The following PEBP4 variants were observed in gnomAD, a reference collection of about 807,000 sequenced individuals.
PEBP4 encodes phosphatidylethanolamine binding protein 4.
In PEBP4, 22 loss-of-function variants were observed where a neutral mutation model predicts 23.9. The ratio of observed to expected loss-of-function variants is 0.92; its 90% CI spans 0.66 to 1.31. The LOEUF (loss-of-function observed/expected upper bound fraction) is 1.31, where lower values mean the gene tolerates loss of function less well. Among genes scored for constraint, PEBP4 ranks in the 40% most tolerant of loss-of-function variants. PEBP4 has a pLI of 0.00. For synonymous variants in PEBP4, 112 were observed against 99.3 expected (o/e 1.13, Z -0.76); for missense variants, 324 against 281.7 (o/e 1.15, Z -1.07).
intron 1 of PEBP4, among the ~76,000 whole-genome samples, chr8:22,937,886 A>G (rs1241172043): frequency 6.6e-6 from 1 of 152,180 alleles, no homozygotes; most frequent in Non-Finnish European, 1.5e-5. Flanking sequence ...AGCCACATGC[A>G]AAAGAATGAA....
intron 3 of PEBP4, among the ~76,000 whole-genome samples, chr8:22,913,386 ACTT>A (rs1008753861): frequency 6.6e-6 from 1 of 150,976 alleles, no homozygotes; most frequent in Admixed American, 6.6e-5. Flanking sequence ...GTGCACCTTT[ACTT>A]CTTCTGCAAT....
rs190294068 is a variant in PEBP4 at position 22,927,656 on chromosome 8, A to G, written c.59T>C (p.Val20Ala). 63 of 1,613,888 alleles carry G rather than the reference A, an allele frequency of 3.9e-5. No homozygotes were observed. The African/African-American group carries it at 7.5e-4, about 19-fold the overall frequency. The change falls in exon 2 of 7, where the codon GTC becomes GCC. Residue 20 changes from valine (V) to alanine (A), a missense_variant. Transcript: ENST00000256404. ...AALLLGLMMVVTGDEDENSPC... is the reference protein window; with the variant it reads ...AALLLGLMMVATGDEDENSPC... ...GCTGTTCTCATCCTCGTCTCCAGTG[A>G]CCACCATCATGAGACCCAGTAACAG...
chr8:22,804,271 C>A (rs1806448579), intron 4 of PEBP4, among the ~76,000 whole-genome samples: 1 of 152,094 alleles, frequency 6.6e-6, no homozygotes, highest in South Asian at 2.1e-4. Context: ...TTGGAGGCTG[C>A]AGTGAGCTAT....
chr8:22,877,470 G>GCAGAGCCAGC (rs1432659021), intron 3 of PEBP4, among the ~76,000 whole-genome samples: 2 of 152,160 alleles, frequency 1.3e-5, no homozygotes, highest in Non-Finnish European at 2.9e-5. Flanking sequence ...ACATTCTTGG[G>GCAGAGCCAGC]CAGAGCCAGC....
intron 3 of PEBP4, among the ~76,000 whole-genome samples, chr8:22,842,067 T>G (rs2128765773): frequency 6.6e-6 from 1 of 152,356 alleles, no homozygotes; most frequent in Admixed American, 6.5e-5. Context: ...ACAGTCTTGG[T>G]TATCAAACCC....
At chr8:22,744,024 T>A (rs1185069839) in intron 4 of PEBP4, among the ~76,000 whole-genome samples, 1 of 152,218 alleles carries the variant, frequency 6.6e-6, no homozygotes, top group Non-Finnish European at 1.5e-5. Context: ...TGTGACCTGC[T>A]GTGCAGGGAG....
chr8:22,789,191 C>A (rs567138045), intron 4 of PEBP4, among the ~76,000 whole-genome samples: 1 of 152,148 alleles, frequency 6.6e-6, no homozygotes, highest in South Asian at 2.1e-4. Flanking sequence ...AACAGAAAGA[C>A]AGTTATACAC....
At chr8:22,779,089 G>A (rs1410985237) in intron 4 of PEBP4, among the ~76,000 whole-genome samples, 4 of 151,394 alleles carry the variant, frequency 2.6e-5, no homozygotes, top group Admixed American at 2.6e-4. Flanking sequence ...GGGGGAGGAG[G>A]GGGATGGGGT....
At chr8:22,788,923 T>C (rs1806082015) in intron 4 of PEBP4, among the ~76,000 whole-genome samples, 1 of 152,170 alleles carries the variant, frequency 6.6e-6, no homozygotes, top group African/African-American at 2.4e-5. Flanking sequence ...ATTGGCTGAG[T>C]AAATTATAGT....
chr8:22,817,584 A>G (rs1019102178), intron 4 of PEBP4, 53 bp downstream of exon 4: 2 of 1,522,536 alleles, frequency 1.3e-6, no homozygotes, highest in South Asian at 1.1e-5. Context: ...CTGAATGATA[A>G]TCTTCCAGAT....
rs183517037 is a variant in PEBP4 at position 22,782,469 on chromosome 8, C to T, written c.357+35168G>A. Among the ~76,000 whole-genome samples, 45 of 152,264 alleles carry T rather than the reference C, an allele frequency of 3.0e-4. No individual in the cohort carries two copies. In the Middle Eastern group the frequency reaches 0.01, roughly 35 times the overall value. The stretch of plus-strand genomic sequence containing the variant: ...GGGGGCATGAAAATACCCGACCCAT[C>T]CATTAGAGAGTTTCAGGGAACTGAC... On this transcript the variant is annotated intron_variant, in intron 4 of 6. Transcript: ENST00000256404.
chr8:22,808,982 C>G (rs542236374), intron 4 of PEBP4, among the ~76,000 whole-genome samples: 25 of 152,172 alleles, frequency 1.6e-4, no homozygotes, highest in Admixed American at 1.6e-3. Flanking sequence ...GTCTTTAAAG[C>G]GATAACCACA....
intron 3 of PEBP4, among the ~76,000 whole-genome samples, chr8:22,904,296 G>A (rs1036401291): frequency 9.2e-5 from 14 of 152,184 alleles, no homozygotes; most frequent in Admixed American, 2.6e-4. Flanking sequence ...GAGCTTCTTC[G>A]TGGACCTTGG....
intron 3 of PEBP4, among the ~76,000 whole-genome samples, chr8:22,825,060 T>C (rs556586091): frequency 2.6e-5 from 4 of 152,354 alleles, no homozygotes; most frequent in African/African-American, 7.2e-5. Flanking sequence ...CAAAGACTTC[T>C]GTGGTGGTCT....
chr8:22,809,993 T>C (rs1006855639), intron 4 of PEBP4, among the ~76,000 whole-genome samples: 2 of 152,244 alleles, frequency 1.3e-5, no homozygotes, highest in Admixed American at 1.3e-4. Flanking sequence ...CTTGGTGGGA[T>C]ATATGCTCAG....
At chr8:22,783,596 G>T (rs1805971144) in intron 4 of PEBP4, among the ~76,000 whole-genome samples, 1 of 152,056 alleles carries the variant, frequency 6.6e-6, no homozygotes, top group Admixed American at 6.6e-5. Flanking sequence ...TGTTTTCAGC[G>T]AGATCTCACA....
At chr8:22,840,417 T>TG (rs1290421217) in intron 3 of PEBP4, among the ~76,000 whole-genome samples, 1 of 151,894 alleles carries the variant, frequency 6.6e-6, no homozygotes, top group Non-Finnish European at 1.5e-5. Context: ...ATTTTTTTTT[T>TG]TTTTTTAAAG....
At chr8:22,833,209 A>T (rs1255562264) in intron 3 of PEBP4, among the ~76,000 whole-genome samples, 1 of 152,168 alleles carries the variant, frequency 6.6e-6, no homozygotes, top group East Asian at 1.9e-4. Flanking sequence ...GTGTCTTACC[A>T]TACCCAATTA....
In PEBP4 at chr8:22,803,819, C is replaced by T. The variant is rs924063880; in HGVS notation, c.357+13818G>A. Among the ~76,000 whole-genome samples the T allele has an allele frequency of 7.9e-5, 12 of 152,320 alleles. No homozygotes were observed. In the East Asian group the frequency reaches 2.3e-3, roughly 29 times the overall value. The stretch of plus-strand genomic sequence containing the variant: ...CCGTTGTTCACTCAGGCCCCAGAGC[C>T]AGGGGCCATCCTCGCACCATCCTTC... On this transcript the variant is annotated intron_variant, in intron 4 of 6. Transcript: ENST00000256404.
Sources: allele counts gnomAD v4.1 joint callset (sites outside exome capture counted in the v4.1 genomes callset), GRCh38; gene constraint gnomAD v4.1.1; transcripts MANE v1.5; gene names NCBI Gene and HGNC (gene_info 2026-07-23, HGNC 2026-07-21).